DIP2C: variants seen among roughly 807,000 people sequenced by gnomAD.
DIP2C encodes the protein disco-interacting protein 2 homolog C.
Under a neutral mutation model 192.4 loss-of-function variants are expected in DIP2C, and 33 were observed. The observed-to-expected ratio is 0.17, with a 90% CI of 0.13 to 0.23. DIP2C has a LOEUF of 0.23. Among genes scored for constraint, DIP2C ranks in the 10% least tolerant of loss-of-function variants. The probability of loss-of-function intolerance (pLI) is 1.00; values close to 1 mark genes in which losing one functional copy is unlikely to be tolerated. For missense variants in DIP2C, 1,537 were observed against 2,110.1 expected (o/e 0.73, Z 5.32); for synonymous variants, 979 against 864.1 (o/e 1.13, Z -2.33).
At chr10:505,254 AGT>A (rs1393631462) in intron 1 of DIP2C, among the ~76,000 whole-genome samples, 5 of 152,220 alleles carry the variant, frequency 3.3e-5, no homozygotes, top group Non-Finnish European at 5.9e-5. Flanking sequence ...ACTTCCCAGC[AGT>A]GTCTCTAGTC....
At chr10:330,650 G>GTT (rs566210340) in intron 29 of DIP2C, among the ~76,000 whole-genome samples, 9,343 of 141,308 alleles carry the variant, frequency 0.066, 483 homozygotes, top group East Asian at 0.16. Context: ...CACCATGCTT[G>GTT]TTTTTTTTTT....
intron 4 of DIP2C, among the ~76,000 whole-genome samples, chr10:433,063 A>T (rs1966893561): frequency 6.6e-6 from 1 of 152,202 alleles, no homozygotes. Context: ...AATGTTCAGC[A>T]TTCTGTTGTT....
At chr10:372,677 C>T (rs939953065) in intron 17 of DIP2C, among the ~76,000 whole-genome samples, 1 of 149,570 alleles carries the variant, frequency 6.7e-6, no homozygotes, top group Admixed American at 6.6e-5. Context: ...GGCACAGAAG[C>T]GCAGGAGGTC....
intron 1 of DIP2C, among the ~76,000 whole-genome samples, chr10:614,396 A>G (rs1206829939): frequency 1.3e-5 from 2 of 152,216 alleles, no homozygotes; most frequent in African/African-American, 4.8e-5. Context: ...CACAGTACCC[A>G]AGTCTAACAG....
chr10:394,609 G>A (rs1963813927), intron 10 of DIP2C, among the ~76,000 whole-genome samples: 1 of 135,074 alleles, frequency 7.4e-6, no homozygotes, highest in Admixed American at 7.4e-5. Flanking sequence ...AGGAGGGAAG[G>A]TGACCGTATG....
chr10:677,836 C>T (rs1454984506), intron 1 of DIP2C, among the ~76,000 whole-genome samples: 2 of 152,224 alleles, frequency 1.3e-5, no homozygotes, highest in East Asian at 1.9e-4. Flanking sequence ...CCACAATCCC[C>T]CAGAAGTGCC....
chr10:640,656 A>G (rs554991524), intron 1 of DIP2C, among the ~76,000 whole-genome samples: 2 of 148,820 alleles, frequency 1.3e-5, no homozygotes, highest in Non-Finnish European at 1.5e-5. Context: ...CGCGCGGGGA[A>G]GAGGGTGCGC....
chr10:313,271 CACAG>C (rs1589450266), intron 31 of DIP2C, among the ~76,000 whole-genome samples: 3 of 151,946 alleles, frequency 2.0e-5, no homozygotes, highest in Non-Finnish European at 4.4e-5. Context: ...ATAAAGGACC[CACAG>C]ACAAACAGCA....
chr10:477,907 A>T (rs1456177910), intron 2 of DIP2C, among the ~76,000 whole-genome samples: 2 of 126,614 alleles, frequency 1.6e-5, no homozygotes, highest in African/African-American at 6.2e-5. Context: ...AAAGAGAGGG[A>T]AAGAAAAGAC....
intron 29 of DIP2C, among the ~76,000 whole-genome samples, chr10:336,921 T>TGTGG (rs59758615): frequency 2.0e-5 from 1 of 50,014 alleles, no homozygotes; most frequent in African/African-American, 5.0e-5. Flanking sequence ...TGTGTGTGTG[T>TGTGG]TGTGGAGGCC....
At chr10:319,274 G>C (rs1202133140) in intron 31 of DIP2C, among the ~76,000 whole-genome samples, 1 of 152,070 alleles carries the variant, frequency 6.6e-6, no homozygotes. Flanking sequence ...CTCTTTCATT[G>C]TGTGAGTTTC....
intron 1 of DIP2C, among the ~76,000 whole-genome samples, chr10:653,956 C>T (rs1036529648): frequency 1.3e-5 from 2 of 152,218 alleles, no homozygotes; most frequent in Non-Finnish European, 2.9e-5. Flanking sequence ...CTAAAAGCAT[C>T]TCTTCCAACT....
In DIP2C at chr10:579,057, CACA is replaced by C. The variant is rs564103819; in HGVS notation, c.86-92530_86-92528del. 2.6e-3 allele frequency among the ~76,000 whole-genome samples: 397 copies of C among 152,096 alleles called. 2 individuals are homozygous for C. The highest frequency in any genetic ancestry group is 0.01 in the Middle Eastern group (3 of 292). Reference sequence around the variant, plus strand: ...CAGACCCAGTGTACAAACATAAGTGCACAACATGTGTATGTGCATAGAGCATAC... The same window carrying C: ...CAGACCCAGTGTACAAACATAAGTGCACATGTGTATGTGCATAGAGCATAC... On this transcript the variant is annotated intron_variant, in intron 1 of 36. Transcript: ENST00000280886.
intron 1 of DIP2C, among the ~76,000 whole-genome samples, chr10:486,734 C>T (rs544481110): frequency 6.6e-6 from 1 of 152,316 alleles, no homozygotes; most frequent in African/African-American, 2.4e-5. Flanking sequence ...CACTAAAACT[C>T]ATTTGTTAAA....
intron 1 of DIP2C, among the ~76,000 whole-genome samples, chr10:507,406 A>T (rs1845685362): frequency 6.6e-6 from 1 of 150,736 alleles, no homozygotes; most frequent in Non-Finnish European, 1.5e-5. Flanking sequence ...AGCTGTGCCC[A>T]ATCAGAAGCT....
intron 18 of DIP2C, among the ~76,000 whole-genome samples, chr10:366,768 T>A (rs1370540729): frequency 6.6e-6 from 1 of 152,208 alleles, no homozygotes; most frequent in Non-Finnish European, 1.5e-5. Flanking sequence ...GTGGTGCAAC[T>A]TGACCTCTGC....
At chr10:592,262 T>A (rs1406716299) in intron 1 of DIP2C, among the ~76,000 whole-genome samples, 1 of 152,204 alleles carries the variant, frequency 6.6e-6, no homozygotes, top group Non-Finnish European at 1.5e-5. Flanking sequence ...TGGTTCTGTG[T>A]ATTGGTAACA....
intron 3 of DIP2C, among the ~76,000 whole-genome samples, chr10:448,783 G>T (rs1467017163): frequency 1.4e-4 from 20 of 145,930 alleles, no homozygotes; most frequent in Non-Finnish European, 2.5e-4. Flanking sequence ...TCGATACTCA[G>T]GATCACACAC....
intron 9 of DIP2C, among the ~76,000 whole-genome samples, chr10:405,350 T>C (rs1964727069): frequency 6.6e-6 from 1 of 152,220 alleles, no homozygotes; most frequent in East Asian, 1.9e-4. Flanking sequence ...TTTCATATTA[T>C]AGACCACTGC....
Sources: allele counts gnomAD v4.1 joint callset (sites outside exome capture counted in the v4.1 genomes callset), GRCh38; gene constraint gnomAD v4.1.1; transcripts MANE v1.5; gene names NCBI Gene and HGNC (gene_info 2026-07-23, HGNC 2026-07-21).